The following RNF31 variants were observed in gnomAD, a reference collection of about 807,000 sequenced individuals.
RNF31 encodes the protein E3 ubiquitin-protein ligase RNF31.
Under a neutral mutation model 133.6 loss-of-function variants are expected in RNF31, and 38 were observed. The observed-to-expected ratio is 0.28, with a 90% CI of 0.22 to 0.37. The LOEUF (loss-of-function observed/expected upper bound fraction) is 0.37. Ranked by LOEUF, RNF31 falls within the 10% of genes least tolerant of loss-of-function variation. The pLI, the probability that RNF31 is intolerant of heterozygous loss-of-function variation, is 1.00. For synonymous variants in RNF31, 582 were observed against 552.3 expected, an observed-to-expected ratio of 1.05 and a Z score of -0.75; for missense variants, 1,118 against 1,394.1, an observed-to-expected ratio of 0.80 and a Z score of 3.15.
At position 24,152,120 on chromosome 14, in the gene RNF31, G is replaced by A. The variant is rs1398984179; in HGVS notation, c.2130+128G>A. The A allele has an allele frequency of 1.9e-5, 17 of 897,568 alleles. No homozygotes were observed. In the South Asian group the frequency reaches 2.8e-4, roughly 15 times the overall value. 55.6% of individuals were successfully genotyped at this position (897,568 alleles called of 1,614,324 possible). ...TGCCCATATACCCCTGAAGGCTCCT[G>A]GGAGGGGGAAGTCAGGAACAGGCTT... On this transcript the variant is annotated intron_variant, in intron 11 of 20. Coordinates refer to ENST00000324103, the MANE Select transcript of RNF31 (RefSeq NM_017999.5).
chr14:24,155,646 C>T lies in RNF31; in HGVS notation c.2447C>T (p.Thr816Ile). Residue 816 changes from threonine (T) to isoleucine (I), a missense_variant, in exon 14 of 21, where the codon ACT becomes ATT. Coordinates refer to ENST00000324103, the MANE Select transcript of RNF31 (RefSeq NM_017999.5). This position sits in a 1 kb window ranked among gnomAD's most constrained non-coding sequence, Gnocchi z 4.9. ...FIYEREQLEA[T>I]CPQCHQTFCV... ...TATGAGCGTGAGCAGCTGGAGGCAA[C>T]TTGTCCCCAGTGTCACCAGACCTTC... 1 of 1,614,222 alleles carries T rather than the reference C, an allele frequency of 6.2e-7. No individual in the cohort carries two copies. The highest frequency in any genetic ancestry group is 8.5e-7 in the Non-Finnish European group (1 of 1,180,052).
intron 14 of RNF31, among the ~76,000 whole-genome samples, chr14:24,156,425 T>C (rs1037610774): frequency 6.6e-6 from 1 of 152,152 alleles, no homozygotes; most frequent in Non-Finnish European, 1.5e-5. Flanking sequence ...CGCCTCAGCC[T>C]TCCAAAGTAC....
chr14:24,155,204 C>T lies in RNF31; in HGVS notation c.2178C>T (p.Phe726=). 6.2e-7 allele frequency: 1 copy of T among 1,614,178 alleles called. No individual in the cohort carries two copies. The highest frequency in any genetic ancestry group is 8.5e-7 in the Non-Finnish European group (1 of 1,180,028). Residue 726 remains phenylalanine (F), a synonymous_variant, in exon 12 of 21, where the codon TTC becomes TTT. Transcript: ENST00000324103. The surrounding 1 kb of genome is among the most constrained non-coding windows in gnomAD (Gnocchi z 4.9). ...SCECTICPDC[F]RQHFTIALKE... Reference sequence around the variant, plus strand: ...AGTGCACCATCTGTCCTGACTGCTTCCGCCAGCACTTCACCATCGCCTTGA... The same window carrying T: ...AGTGCACCATCTGTCCTGACTGCTTTCGCCAGCACTTCACCATCGCCTTGA...
chr14:24,149,978 C>T (rs1384603603), intron 6 of RNF31, 83 bp from the exon 7 acceptor site: 4 of 1,471,518 alleles, frequency 2.7e-6, no homozygotes, highest in Non-Finnish European at 3.6e-6. Context: ...GAGTTGTTAC[C>T]CAGGAAATGG....
chr14:24,160,484 G>T lies in RNF31; in HGVS notation c.3166-36G>T. 1 of 1,569,754 alleles carries T rather than the reference G, an allele frequency of 6.4e-7. No homozygotes were observed. The highest frequency in any genetic ancestry group is 8.7e-7 in the Non-Finnish European group (1 of 1,153,418). On this transcript the variant is annotated intron_variant, in intron 20 of 20. Coordinates refer to ENST00000324103, the MANE Select transcript of RNF31 (RefSeq NM_017999.5). This position sits in a 1 kb window ranked among gnomAD's most constrained non-coding sequence, Gnocchi z 4.0. ...GGTGCTGACTGTGTCTGAGCTCCAG[G>T]CTTCCAATATCATTACCTTCTCTCT...
At position 24,150,838 on chromosome 14, in the gene RNF31, C is replaced by T. The variant is rs200344424; in HGVS notation, c.1438C>T (p.Arg480Cys). 180 of 1,581,068 alleles carry T rather than the reference C, an allele frequency of 1.1e-4. No individual in the cohort carries two copies. The African/African-American group carries it at 1.7e-3, about 15-fold the overall frequency. ...PSSCGDPEKQ[R>C]QDKMREEGLQ... ...TTCCTGTGGAGATCCTGAGAAGCAG[C>T]GCCAAGACAAGATGCGGGAAGAAGG... Residue 480 changes from arginine to cysteine, a missense_variant, in exon 8 of 21, where the codon CGC becomes TGC. Physicochemically the swap from Arg to Cys is radical, Grantham distance 180. Around this residue, in one of 3 missense-constraint regions of RNF31, gnomAD observed 747 missense variants for 827.9 expected, o/e 0.90. Coordinates refer to ENST00000324103, the MANE Select transcript of RNF31 (RefSeq NM_017999.5).
chr14:24,152,075 C>A, intron 11 of RNF31, 83 bp downstream of exon 11: 1 of 1,387,436 alleles, frequency 7.2e-7, no homozygotes, highest in Non-Finnish European at 9.8e-7. Flanking sequence ...CATCTCTGAT[C>A]CTGTCTTCTG....
intron 3 of RNF31, 111 bp downstream of exon 3, chr14:24,148,524 C>T: frequency 6.3e-7 from 1 of 1,589,868 alleles, no homozygotes; most frequent in Non-Finnish European, 8.6e-7. Context: ...CATAGTTCAG[C>T]ATTCTGGGAG....
chr14:24,158,488 G>A (rs2038380633), intron 18 of RNF31: 1 of 481,998 alleles, frequency 2.1e-6, no homozygotes, highest in Non-Finnish European at 3.7e-6. Context: ...AGTTCAATGA[G>A]TGTTTAATGA....
chr14:24,147,952 C>G, intron 1 of RNF31, 24 bp from the exon 2 acceptor site: 2 of 1,614,124 alleles, frequency 1.2e-6, no homozygotes, highest in Non-Finnish European at 1.7e-6. Context: ...CACGCTCACA[C>G]CTCTCTGCTC....
intron 18 of RNF31, 78 bp downstream of exon 18, chr14:24,158,277 T>A: frequency 7.1e-7 from 1 of 1,403,086 alleles, no homozygotes; most frequent in Middle Eastern, 1.9e-4. Context: ...AGGGGAGGCT[T>A]GGGTCTGGGG....
At position 24,160,162 on chromosome 14, in the gene RNF31, TCA is replaced by T. The variant is rs2038423375; in HGVS notation, c.2997-76_2997-75del. On this transcript the variant is annotated intron_variant, in intron 19 of 20. Transcript: ENST00000324103. This position sits in a 1 kb window ranked among gnomAD's most constrained non-coding sequence, Gnocchi z 4.0. ...TGTTAATCTTGTTCGTCCAGGTGTC[TCA>T]GAGTCCAGCTATGTTAGACACACTC... The T allele has an allele frequency of 2.0e-6, 3 of 1,515,884 alleles. No homozygotes were observed. The highest frequency in any genetic ancestry group is 2.7e-5 in the African/African-American group (2 of 73,228). 93.9% of individuals were successfully genotyped at this position (1,515,884 alleles called of 1,614,324 possible).
Position 24,157,587 on chromosome 14 carries a change from G to A in RNF31, c.2676G>A (p.Gln892=). The change falls in exon 16 of 21, where the codon CAG becomes CAA. Residue 892 remains glutamine (Q), a synonymous_variant. Coordinates refer to ENST00000324103, the MANE Select transcript of RNF31 (RefSeq NM_017999.5). The stretch of plus-strand genomic sequence containing the variant: ...GCTGCATGCACTTTCACTGTACCCA[G>A]TGCCGCCACCAGTTCTGCAGCGGCT... ...RGGCMHFHCT[Q]CRHQFCSGCY... is the part of the protein sequence containing the mutation. 2 of 1,614,150 alleles carry A rather than the reference G, an allele frequency of 1.2e-6. No individual in the cohort carries two copies. Among genetic ancestry groups the A allele is most frequent in the South Asian group, 2.2e-5 (2 of 91,078 alleles).
chr14:24,152,551 T>C (rs1034055412), intron 11 of RNF31, among the ~76,000 whole-genome samples: 2 of 151,248 alleles, frequency 1.3e-5, no homozygotes, highest in Non-Finnish European at 2.9e-5. Context: ...CCTGAGTAGC[T>C]GGGATTACAG....
Position 24,155,698 on chromosome 14 carries a change from G to A in RNF31, c.2493+6G>A. The stretch of plus-strand genomic sequence containing the variant: ...GTGTGCGCTGCAAGCGCCAGGTGAG[G>A]CACATTCATCCTTTCAGAAATACTT... On this transcript the variant is annotated splice_donor_region_variant and intron_variant, in intron 14 of 20. Transcript: ENST00000324103. The surrounding 1 kb of genome is among the most constrained non-coding windows in gnomAD (Gnocchi z 4.9). 5.0e-6 allele frequency: 8 copies of A among 1,612,812 alleles called. No individual in the cohort carries two copies. Among genetic ancestry groups the A allele is most frequent in the Admixed American group, 1.7e-5 (1 of 60,030 alleles).
upstream of RNF31, chr14:24,147,023 G>T: frequency 4.3e-6 from 1 of 230,430 alleles, no homozygotes; most frequent in Non-Finnish European, 8.7e-6. Context: ...GGCAGCCAGA[G>T]GGAGCGCCTG....
chr14:24,156,243 C>T lies in RNF31; in HGVS notation c.2493+551C>T, dbSNP rs149501126. Among the ~76,000 whole-genome samples, 584 of 152,288 alleles carry T rather than the reference C, an allele frequency of 3.8e-3. 3 individuals are homozygous for T. Among genetic ancestry groups the T allele is most frequent in the African/African-American group, 0.013 (550 of 41,560 alleles). ...AGCCCTGGAGGCCACGTGAAGCAGG[C>T]GTCCGTCTGCCTTCATTCTGAGATA... On this transcript the variant is annotated intron_variant, in intron 14 of 20. Transcript: ENST00000324103.
chr14:24,160,612 T>A lies in RNF31; in HGVS notation c.*39T>A. On this transcript the variant is annotated 3_prime_UTR_variant, in exon 21 of 21. Coordinates refer to ENST00000324103, the MANE Select transcript of RNF31 (RefSeq NM_017999.5). This position sits in a 1 kb window ranked among gnomAD's most constrained non-coding sequence, Gnocchi z 4.0. ...TCCCGATGAGGGTCCCATGGCCTGC[T>A]CCCTCAGGAACAGCTCCAGCACCAA... 1 of 1,476,608 alleles carries A rather than the reference T, an allele frequency of 6.8e-7. No individual in the cohort carries two copies. The highest frequency in any genetic ancestry group is 9.0e-7 in the Non-Finnish European group (1 of 1,105,358). The allele number at this position is 1,476,608 out of a possible 1,614,324, so 91.5% of individuals were successfully genotyped here.
In RNF31 at chr14:24,155,086, G is replaced by A; in HGVS notation, c.2131-71G>A. ...GACCCTGATTTCTTAGTGGACACCT[G>A]GCCACTGCCTCTTCCCTAGCCTGGC... On this transcript the variant is annotated intron_variant, in intron 11 of 20. Transcript: ENST00000324103. This position sits in a 1 kb window ranked among gnomAD's most constrained non-coding sequence, Gnocchi z 4.9. 1 of 1,472,920 alleles carries A rather than the reference G, an allele frequency of 6.8e-7. No homozygotes were observed. The highest frequency in any genetic ancestry group is 9.4e-7 in the Non-Finnish European group (1 of 1,066,670). 91.2% of individuals were successfully genotyped at this position (1,472,920 alleles called of 1,614,324 possible).
Sources: gnomAD v4.1 joint callset for allele counts (sites outside exome capture counted in the v4.1 genomes callset) on GRCh38, gnomAD v4.1.1 for gene constraint, gnomAD v4.1.1 regional missense constraint, Gnocchi (gnomAD v3.1) non-coding constraint, MANE v1.5 for transcripts, NCBI Gene and HGNC (gene_info 2026-07-23, HGNC 2026-07-21) for gene names.